Variants in ZEB1 observed in about 807,000 individuals in gnomAD.
ZEB1 encodes the protein zinc finger E-box binding homeobox 1, also known as zinc finger E-box-binding homeobox 1.
Under a neutral mutation model 84.9 loss-of-function variants are expected in ZEB1, and 21 were observed. The observed-to-expected ratio is 0.25, with a 90% CI of 0.18 to 0.36. ZEB1 has a LOEUF of 0.36. Ranked by LOEUF, ZEB1 falls within the 10% of genes least tolerant of loss-of-function variation. ZEB1 has a pLI of 1.00. For synonymous variants in ZEB1, 420 were observed against 471.1 expected, an observed-to-expected ratio of 0.89 and a Z score of 1.41; for missense variants, 1,104 against 1,330.2, an observed-to-expected ratio of 0.83 and a Z score of 2.65.
intron 1 of ZEB1, among the ~76,000 whole-genome samples, chr10:31,387,486 TA>T (rs1449955624): frequency 2.0e-5 from 3 of 152,268 alleles, no homozygotes; most frequent in Admixed American, 6.5e-5. Flanking sequence ...TGTTTTACTT[TA>T]AAAAAAATCC....
chr10:31,448,147 C>CTTCATTTAA lies in ZEB1; in HGVS notation c.59-12883_59-12882insAATTCATTT, dbSNP rs1396211609. Among the ~76,000 whole-genome samples, 59 of 143,270 alleles carry CTTCATTTAA rather than the reference C, an allele frequency of 4.1e-4. No individual in the cohort carries two copies. In the Middle Eastern group the frequency reaches 0.011, roughly 26 times the overall value. The allele number at this position is 143,270 out of a possible 152,430, so 94.0% of individuals were successfully genotyped here. A position where few individuals can be genotyped will look rare whatever the true frequency, so the allele number is the denominator to read the frequency against. On this transcript the variant is annotated intron_variant, in intron 1 of 8. Coordinates refer to ENST00000424869, the MANE Select transcript of ZEB1 (RefSeq NM_001174096.2). ...TTTTTTCTCTAAACTTCCCTTCTCG[C>CTTCATTTAA]TTCATTTCATTCATTTCATCTTCCA... is the stretch of plus-strand genomic sequence containing the variant.
intron 1 of ZEB1, among the ~76,000 whole-genome samples, chr10:31,442,557 A>G (rs564830339): frequency 7.0e-6 from 1 of 142,326 alleles, no homozygotes. Flanking sequence ...TAAAAGTATA[A>G]TAATAATAAT....
chr10:31,506,875 G>A (rs1226737957), intron 4 of ZEB1, among the ~76,000 whole-genome samples: 2 of 151,944 alleles, frequency 1.3e-5, no homozygotes, highest in South Asian at 2.1e-4. Context: ...TTTCTATAGT[G>A]GTAACATTTG....
chr10:31,492,076 A>G (rs1027427596), intron 2 of ZEB1, among the ~76,000 whole-genome samples: 4 of 151,898 alleles, frequency 2.6e-5, no homozygotes, highest in Non-Finnish European at 5.9e-5. Context: ...TTACAGAATG[A>G]GAGAGATGTG....
chr10:31,522,221 CA>C lies in ZEB1; in HGVS notation c.2604+289del, dbSNP rs1392957281. On this transcript the variant is annotated intron_variant, in intron 7 of 8. Transcript: ENST00000424869. ...CTGTTTGAAGTTAGAAATCAAAAAA[CA>C]AAATTGAAATACTCGCTAATTGGGT... Among the ~76,000 whole-genome samples the C allele has an allele frequency of 2.6e-5, 4 of 152,260 alleles. 1 individual carries two copies. Among genetic ancestry groups the C allele is most frequent in the Admixed American group, 2.0e-4 (3 of 15,294 alleles).
Position 31,439,224 on chromosome 10 carries a change from A to G in ZEB1, c.59-21813A>G, listed in dbSNP as rs1010196889. Among the ~76,000 whole-genome samples, 13 of 152,188 alleles carry G rather than the reference A, an allele frequency of 8.5e-5. No individual in the cohort carries two copies. The East Asian group carries it at 1.2e-3, about 14-fold the overall frequency. On this transcript the variant is annotated intron_variant, in intron 1 of 8. Coordinates refer to ENST00000424869, the MANE Select transcript of ZEB1 (RefSeq NM_001174096.2). ...ATCAAACTATTTTGGAAGACTTTCT[A>G]TATCAGTACCAAACAATATATCTTA...
At chr10:31,483,788 C>T (rs1028708906) in intron 2 of ZEB1, among the ~76,000 whole-genome samples, 5 of 152,002 alleles carry the variant, frequency 3.3e-5, no homozygotes, top group African/African-American at 7.2e-5. Context: ...TTTTCTGTTG[C>T]TGCCATAACA....
At chr10:31,443,257 T>C (rs928379660) in intron 1 of ZEB1, among the ~76,000 whole-genome samples, 11 of 152,210 alleles carry the variant, frequency 7.2e-5, no homozygotes, top group African/African-American at 2.7e-4. Flanking sequence ...AAAATAAAGA[T>C]GTCAGCCTTT....
chr10:31,435,707 A>G (rs1453102546), intron 1 of ZEB1, among the ~76,000 whole-genome samples: 2 of 152,232 alleles, frequency 1.3e-5, no homozygotes, highest in African/African-American at 4.8e-5. Context: ...GAGAATGAAT[A>G]GAATAGTGGA....
chr10:31,519,361 G>C (rs2071827213), intron 6 of ZEB1, among the ~76,000 whole-genome samples: 1 of 152,132 alleles, frequency 6.6e-6, no homozygotes, highest in South Asian at 2.1e-4. Flanking sequence ...ACAGAGTCTA[G>C]GGAAGCAGCT....
chr10:31,448,963 T>TA (rs2060169322), intron 1 of ZEB1, among the ~76,000 whole-genome samples: 1 of 152,244 alleles, frequency 6.6e-6, no homozygotes, highest in African/African-American at 2.4e-5. Context: ...TCCTGGCTGC[T>TA]TTGTTTACCT....
intron 2 of ZEB1, among the ~76,000 whole-genome samples, chr10:31,472,416 A>G (rs977944803): frequency 6.6e-6 from 1 of 152,234 alleles, no homozygotes; most frequent in African/African-American, 2.4e-5. Flanking sequence ...ACCATCAGAG[A>G]ATACTACAAA....
chr10:31,385,993 A>G (rs2048576441), intron 1 of ZEB1, among the ~76,000 whole-genome samples: 1 of 152,200 alleles, frequency 6.6e-6, no homozygotes, highest in African/African-American at 2.4e-5. Context: ...AAAATACATA[A>G]GGAAATATAG....
intron 1 of ZEB1, among the ~76,000 whole-genome samples, chr10:31,444,979 G>T (rs1457779152): frequency 2.0e-5 from 3 of 151,780 alleles, no homozygotes; most frequent in Non-Finnish European, 2.9e-5. Flanking sequence ...GATGGGGATG[G>T]CATTGAATCT....
chr10:31,521,499 A>G lies in ZEB1; in HGVS notation c.2167A>G (p.Thr723Ala), dbSNP rs746487934. The change falls in exon 7 of 9, where the codon ACA becomes GCA. Residue 723 changes from threonine to alanine, a missense_variant. Transcript: ENST00000424869. ...CAGAAATACACAGGGTTACTTGTAC[A>G]CAGCTGAGGGTGCACAAGAAGAGCC... ...SSRNTQGYLY[T>A]AEGAQEEPQV... 1.2e-5 allele frequency: 19 copies of G among 1,613,996 alleles called. No individual in the cohort carries two copies. In the South Asian group the frequency reaches 2.1e-4, roughly 18 times the overall value.
intron 1 of ZEB1, among the ~76,000 whole-genome samples, chr10:31,416,117 A>AT (rs996660687): frequency 5.9e-5 from 9 of 151,874 alleles, no homozygotes; most frequent in East Asian, 1.9e-4. Flanking sequence ...CTAAGAAGTG[A>AT]TTTTTTTTCA....
intron 1 of ZEB1, among the ~76,000 whole-genome samples, chr10:31,409,908 G>A (rs1404395218): frequency 6.6e-6 from 1 of 152,116 alleles, no homozygotes; most frequent in Non-Finnish European, 1.5e-5. Context: ...GGAGATTTGG[G>A]GCTGAGACAA....
At chr10:31,444,147 A>G (rs2059437436) in intron 1 of ZEB1, among the ~76,000 whole-genome samples, 1 of 150,388 alleles carries the variant, frequency 6.6e-6, no homozygotes, top group African/African-American at 2.5e-5. Context: ...TTTGATTTGC[A>G]TTTCTCTGAT....
intron 1 of ZEB1, among the ~76,000 whole-genome samples, chr10:31,425,313 T>C (rs1024215459): frequency 2.6e-5 from 4 of 152,070 alleles, no homozygotes; most frequent in Non-Finnish European, 5.9e-5. Flanking sequence ...GAGTTTCCAC[T>C]GTTCTCATGG....
Sources: gnomAD v4.1 joint callset for allele counts (sites outside exome capture counted in the v4.1 genomes callset) on GRCh38, gnomAD v4.1.1 for gene constraint, MANE v1.5 for transcripts, NCBI Gene and HGNC (gene_info 2026-07-23, HGNC 2026-07-21) for gene names.